The following UBR1 variants were observed in gnomAD, a reference collection of about 807,000 sequenced individuals.
The protein encoded by UBR1 is E3 ubiquitin-protein ligase UBR1.
A neutral mutation model predicts 242.1 loss-of-function variants in UBR1; 102 were observed. The ratio of observed to expected loss-of-function variants is 0.42; its 90% CI spans 0.36 to 0.50. The LOEUF (loss-of-function observed/expected upper bound fraction) is 0.50. UBR1 is among the 20% of genes least tolerant of loss of function. The pLI, the probability that UBR1 is intolerant of heterozygous loss-of-function variation, is 0.01. For missense variants in UBR1, 1,772 were observed against 2,101.8 expected, an observed-to-expected ratio of 0.84 and a Z score of 3.07; for synonymous variants, 675 against 684.8, an observed-to-expected ratio of 0.99 and a Z score of 0.22.
chr15:42,952,249 A>C (rs1567106160), intron 45 of UBR1, 29 bp downstream of exon 45: 2 of 1,614,002 alleles, frequency 1.2e-6, no homozygotes, highest in Admixed American at 3.3e-5. Flanking sequence ...TAAGTTCATC[A>C]TGAAGCTTCC....
chr15:43,007,144 G>A lies in UBR1; in HGVS notation c.3350C>T (p.Ser1117Leu), dbSNP rs1190694356. Residue 1117 changes from serine (S) to leucine (L), a missense_variant, in exon 30 of 47, where the codon TCG becomes TTG. Ser to Leu is a moderately radical substitution (Grantham distance 145). Around this residue, in one of 3 missense-constraint regions of UBR1, gnomAD observed 965 missense variants for 1,079.7 expected, o/e 0.89. Transcript: ENST00000290650. Reference protein sequence around the residue: ...VKIENNAMVLSACVQKSTALT... With the variant: ...VKIENNAMVLLACVQKSTALT... ...GGCAGTAGATTTCTGGACACAGGCC[G>A]ATAATACCATGGCATTATTTTCTAT... The A allele has an allele frequency of 1.2e-6, 2 of 1,614,086 alleles. No homozygotes were observed. Among genetic ancestry groups the A allele is most frequent in the African/African-American group, 1.3e-5 (1 of 75,026 alleles).
chr15:43,067,558 C>T (rs2033769482), intron 6 of UBR1, among the ~76,000 whole-genome samples: 1 of 152,070 alleles, frequency 6.6e-6, no homozygotes, highest in Admixed American at 6.5e-5. Flanking sequence ...ATGTTAAGAC[C>T]TCAGAAATTA....
chr15:43,003,507 C>T (rs972133780), intron 31 of UBR1: 15 of 353,156 alleles, frequency 4.2e-5, no homozygotes, highest in Non-Finnish European at 6.0e-5. Context: ...CCTCCTGCCT[C>T]GGCCTCCCGA....
intron 12 of UBR1, among the ~76,000 whole-genome samples, chr15:43,049,979 C>G (rs1018226071): frequency 1.6e-4 from 24 of 151,970 alleles, no homozygotes; most frequent in African/African-American, 5.6e-4. Flanking sequence ...TTAAACTTGG[C>G]CTTACTCTGT....
At chr15:42,980,168 A>C (rs1414815233) in intron 37 of UBR1, among the ~76,000 whole-genome samples, 2 of 152,230 alleles carry the variant, frequency 1.3e-5, no homozygotes, top group African/African-American at 2.4e-5. Flanking sequence ...CTTTTCAGCC[A>C]AAAGAATACT....
At chr15:43,014,045 C>T (rs183854977) in intron 29 of UBR1, among the ~76,000 whole-genome samples, 1 of 152,382 alleles carries the variant, frequency 6.6e-6, no homozygotes, top group Admixed American at 6.5e-5. Context: ...CCACGCCTGA[C>T]TGGTTTTCGT....
At chr15:42,950,752 G>C (rs779230745) in intron 45 of UBR1, among the ~76,000 whole-genome samples, 1 of 152,198 alleles carries the variant, frequency 6.6e-6, no homozygotes, top group African/African-American at 2.4e-5. Context: ...ACATCTCCTA[G>C]TCTGATAACC....
intron 43 of UBR1, 91 bp from the exon 44 acceptor site, chr15:42,958,181 A>ACG: frequency 1.1e-6 from 1 of 890,562 alleles, no homozygotes. Flanking sequence ...TCTTAAAAAT[A>ACG]ACAAAAGGAT....
intron 44 of UBR1, among the ~76,000 whole-genome samples, chr15:42,956,593 T>C (rs1441479000): frequency 6.6e-6 from 1 of 152,238 alleles, no homozygotes; most frequent in Non-Finnish European, 1.5e-5. Context: ...CCCAAAGTGC[T>C]GGGATTACAG....
chr15:42,970,553 G>A lies in UBR1; in HGVS notation c.4424C>T (p.Ser1475Phe). ...ATATTGAGAAATTTCTGCAAAGAAAGAAGATGCGGAATGAGCCTCTTCACT... is the reference window on the plus strand; with the variant it reads ...ATATTGAGAAATTTCTGCAAAGAAAAAAGATGCGGAATGAGCCTCTTCACT... ...EDSEEAHSASSFFAEISQYTS... is the reference protein window; with the variant it reads ...EDSEEAHSASFFFAEISQYTS... The change falls in exon 40 of 47, where the codon TCT (serine) becomes TTT (phenylalanine). Residue 1475 changes from serine to phenylalanine, a missense_variant. By Grantham distance (155) the Ser-to-Phe change is radical. Coordinates refer to ENST00000290650, the MANE Select transcript of UBR1 (RefSeq NM_174916.3). 1.9e-6 allele frequency: 3 copies of A among 1,613,774 alleles called. No individual in the cohort carries two copies. The highest frequency in any genetic ancestry group is 2.2e-5 in the East Asian group (1 of 44,868).
intron 2 of UBR1, among the ~76,000 whole-genome samples, chr15:43,083,475 G>A (rs1392227638): frequency 4.6e-5 from 7 of 151,920 alleles, no homozygotes; most frequent in African/African-American, 1.7e-4. Context: ...CAGCCTCCCA[G>A]GTTCAAGTGA....
chr15:43,059,588 C>CA (rs36021315), intron 8 of UBR1, 114 bp downstream of exon 8: 10,758 of 1,008,402 alleles, frequency 0.011, 3 homozygotes, highest in East Asian at 0.033. Flanking sequence ...GTGTATAAAC[C>CA]AAAAAAAAAA....
chr15:43,002,356 A>C (rs2032738823), intron 32 of UBR1, among the ~76,000 whole-genome samples, 199 bp downstream of exon 32: 1 of 151,756 alleles, frequency 6.6e-6, no homozygotes, highest in African/African-American at 2.4e-5. Context: ...CTGGGTCTAC[A>C]GGCGTGTGCC....
In UBR1 at chr15:42,944,220, G is replaced by C. The variant is rs995081963; in HGVS notation, c.*1109C>G. On this transcript the variant is annotated 3_prime_UTR_variant, in exon 47 of 47. Transcript: ENST00000290650. ...ACAAAAAACAAAAGCCAGGAACCAA[G>C]AAGTCTATGCACAAATTCAGGAGAG... 6.6e-6 allele frequency: 1 copy of C among 152,558 alleles called. No homozygotes were observed. Among genetic ancestry groups the C allele is most frequent in the Non-Finnish European group, 1.5e-5 (1 of 68,028 alleles). 9.5% of individuals were successfully genotyped at this position (152,558 alleles called of 1,614,324 possible). A position where few individuals can be genotyped will look rare whatever the true frequency, so the allele number is the denominator to read the frequency against.
intron 3 of UBR1, among the ~76,000 whole-genome samples, chr15:43,077,644 A>G (rs1223632978): frequency 6.6e-6 from 1 of 150,862 alleles, no homozygotes; most frequent in Non-Finnish European, 1.5e-5. Context: ...AGAATGATCA[A>G]TTAAAAAAAA....
intron 29 of UBR1, among the ~76,000 whole-genome samples, chr15:43,010,655 T>C (rs1327694482): frequency 1.3e-5 from 2 of 151,810 alleles, no homozygotes; most frequent in African/African-American, 4.8e-5. Flanking sequence ...ATCTCTGACA[T>C]TCAGTTTTCA....
At chr15:42,985,656 G>A (rs746606277) in intron 35 of UBR1, among the ~76,000 whole-genome samples, 43 of 151,934 alleles carry the variant, frequency 2.8e-4, no homozygotes, top group Non-Finnish European at 5.1e-4. Flanking sequence ...CCCGACCTCG[G>A]GTACAATTTT....
rs34312632 is a variant in UBR1, at chr15:42,976,589, G to GATAA, written c.4369+124_4369+127dup. ...TTTAAACAGTATCCATTAAAAAACA[G>GATAA]ATAATCATTCAACAAAAAACATAAC... On this transcript the variant is annotated intron_variant, in intron 39 of 46. Coordinates refer to ENST00000290650, the MANE Select transcript of UBR1 (RefSeq NM_174916.3). 0.87 allele frequency: 1,020,791 copies of GATAA among 1,170,164 alleles called. 446,555 individuals carry two copies. Among genetic ancestry groups the GATAA allele is most frequent in the Middle Eastern group, 0.89 (3,416 of 3,830 alleles). 72.5% of individuals were successfully genotyped at this position (1,170,164 alleles called of 1,614,324 possible). A position where few individuals can be genotyped will look rare whatever the true frequency, so the allele number is the denominator to read the frequency against.
intron 1 of UBR1, among the ~76,000 whole-genome samples, chr15:43,097,805 T>C (rs1205823345): frequency 1.3e-5 from 2 of 152,244 alleles, no homozygotes; most frequent in Non-Finnish European, 2.9e-5. Context: ...GGGAATATTG[T>C]GGCTGGTTCA....
Sources: allele counts gnomAD v4.1 joint callset (sites outside exome capture counted in the v4.1 genomes callset), GRCh38; gene constraint gnomAD v4.1.1; regional missense constraint gnomAD v4.1.1; transcripts MANE v1.5; gene names NCBI Gene and HGNC (gene_info 2026-07-23, HGNC 2026-07-21).